FHAD1: variants seen among roughly 807,000 people sequenced by gnomAD.
FHAD1 encodes forkhead associated phosphopeptide binding domain 1.
In FHAD1, 146 loss-of-function variants were observed where a neutral mutation model predicts 191.3. That is an observed-to-expected ratio of 0.76 (90% CI 0.67 to 0.88). The LOEUF (loss-of-function observed/expected upper bound fraction) is 0.88. FHAD1 is among the 40% of genes least tolerant of loss of function. FHAD1 has a pLI of 0.00. For synonymous variants in FHAD1, 616 were observed against 672.3 expected (o/e 0.92, Z 1.29); for missense variants, 1,635 against 1,785.8 (o/e 0.92, Z 1.52).
At chr1:15,348,998 C>G (rs187848182) in intron 18 of FHAD1, 44 bp from the exon 19 acceptor site, 2 of 1,225,138 alleles carry the variant, frequency 1.6e-6, no homozygotes, top group African/African-American at 3.0e-5. Flanking sequence ...CAATTTCCCC[C>G]CTAAATGTGC....
intron 10 of FHAD1, among the ~76,000 whole-genome samples, chr1:15,322,702 C>T (rs1321327419): frequency 1.3e-5 from 2 of 151,552 alleles, no homozygotes; most frequent in East Asian, 3.8e-4. Flanking sequence ...GCAGAAAGTT[C>T]TACCAGACAG....
At chr1:15,305,217 A>G (rs570281171) in intron 6 of FHAD1, among the ~76,000 whole-genome samples, 33 of 152,350 alleles carry the variant, frequency 2.2e-4, no homozygotes, top group Non-Finnish European at 3.8e-4. Flanking sequence ...GTACTCTTAC[A>G]TGTACTAACT....
chr1:15,309,004 G>T (rs10489961), intron 7 of FHAD1, among the ~76,000 whole-genome samples: 12,485 of 152,266 alleles, frequency 0.082, 669 homozygotes, highest in East Asian at 0.15. Context: ...TAGCTAAAAG[G>T]CCTGCTGAGC....
At chr1:15,373,703 A>G (rs1275991623) in intron 26 of FHAD1, among the ~76,000 whole-genome samples, 5 of 152,108 alleles carry the variant, frequency 3.3e-5, no homozygotes, top group Non-Finnish European at 5.9e-5. Flanking sequence ...AAAATAGAGA[A>G]AAATTAGTCG....
At chr1:15,339,063 C>T (rs115210960) in intron 14 of FHAD1, among the ~76,000 whole-genome samples, 1,697 of 152,240 alleles carry the variant, frequency 0.011, 31 homozygotes, top group African/African-American at 0.037. Context: ...GTCACCTGAG[C>T]GGGAATGCAG....
Position 15,329,309 on chromosome 1 carries a change from C to T in FHAD1, c.1711-37C>T. 1 of 1,491,392 alleles carries T rather than the reference C, an allele frequency of 6.7e-7. No individual in the cohort carries two copies. Among genetic ancestry groups the T allele is most frequent in the Non-Finnish European group, 9.0e-7 (1 of 1,107,538 alleles). 92.4% of individuals were successfully genotyped at this position (1,491,392 alleles called of 1,614,324 possible). A position where few individuals can be genotyped will look rare whatever the true frequency, so the allele number is the denominator to read the frequency against. Reference sequence around the variant, plus strand: ...TCACGTCAGGGGCTATTTCTGGCCACAGGGCCTGGGCTCCTCATGATCTCA... The same window carrying T: ...TCACGTCAGGGGCTATTTCTGGCCATAGGGCCTGGGCTCCTCATGATCTCA... On this transcript the variant is annotated intron_variant, in intron 13 of 33. Transcript: ENST00000688493. This position sits in a 1 kb window ranked among gnomAD's most constrained non-coding sequence, Gnocchi z 5.0.
intron 31 of FHAD1, among the ~76,000 whole-genome samples, chr1:15,384,924 C>T (rs891140628): frequency 1.2e-4 from 18 of 152,264 alleles, no homozygotes; most frequent in African/African-American, 4.1e-4. Context: ...CCGGGCTACT[C>T]AGCTACAGAA....
chr1:15,314,637 G>GTGAGTGT (rs1364057351), intron 8 of FHAD1: 3 of 22,080 alleles, frequency 1.4e-4, no homozygotes, highest in Non-Finnish European at 2.6e-4. Flanking sequence ...GGATGTATGT[G>GTGAGTGT]GGTGTGTGGG....
intron 2 of FHAD1, 56 bp from the exon 3 acceptor site, chr1:15,272,267 A>G: frequency 6.8e-7 from 1 of 1,476,988 alleles, no homozygotes; most frequent in Non-Finnish European, 9.2e-7. Flanking sequence ...TCAAAACATT[A>G]GGGGCCGTGT....
rs957896175 is a variant in FHAD1 at position 15,317,821 on chromosome 1, C to T, written c.1261-3C>T. 8.4e-6 allele frequency: 13 copies of T among 1,550,670 alleles called. No homozygotes were observed. The African/African-American group carries it at 1.5e-4, about 18-fold the overall frequency. On this transcript the variant is annotated splice_region_variant and splice_polypyrimidine_tract_variant and intron_variant, in intron 9 of 33. Coordinates refer to ENST00000688493, the MANE Select transcript of FHAD1 (RefSeq NM_001391957.1). The stretch of plus-strand genomic sequence containing the variant: ...AGGTTCACTCTTGTTGAAACTTTTT[C>T]AGCAAATCCAAGACATGGAGAAAGA...
At chr1:15,238,540 A>G (rs1645028830) in intron 1 of FHAD1, among the ~76,000 whole-genome samples, 1 of 152,230 alleles carries the variant, frequency 6.6e-6, no homozygotes, top group South Asian at 2.1e-4. Context: ...TAGATGTGCC[A>G]AAAGAGCCAC....
intron 23 of FHAD1, 82 bp downstream of exon 23, chr1:15,362,808 C>G: frequency 1.9e-6 from 2 of 1,071,650 alleles, no homozygotes; most frequent in Non-Finnish European, 2.8e-6. Flanking sequence ...CAGCCCCTAC[C>G]TGGGCCACAT....
intron 32 of FHAD1, among the ~76,000 whole-genome samples, chr1:15,389,319 A>G (rs1246536813): frequency 6.6e-6 from 1 of 151,678 alleles, no homozygotes; most frequent in Non-Finnish European, 1.5e-5. Context: ...GGTGGCGTGC[A>G]CCTGTAGTCC....
At chr1:15,324,851 C>T in intron 11 of FHAD1, 1 of 454,050 alleles carries the variant, frequency 2.2e-6, no homozygotes, top group Non-Finnish European at 4.0e-6. Flanking sequence ...GAGCTCCTTG[C>T]CCCCAGTGGT....
chr1:15,296,554 T>C, intron 4 of FHAD1, 130 bp from the exon 5 acceptor site: 1 of 960,820 alleles, frequency 1.0e-6, no homozygotes, highest in Non-Finnish European at 1.6e-6. Flanking sequence ...CGCCCGGCCT[T>C]TAATTTTTAA....
At position 15,312,914 on chromosome 1, in the gene FHAD1, G is replaced by T; in HGVS notation, c.1040-143G>T. On this transcript the variant is annotated intron_variant, in intron 7 of 33. Transcript: ENST00000688493. This position sits in a 1 kb window ranked among gnomAD's most constrained non-coding sequence, Gnocchi z 4.7. The stretch of plus-strand genomic sequence containing the variant: ...GAACAAATGATGTGCAGTGGATATT[G>T]GTCTCAACCCCATTCAAGCTCCTGG... The T allele has an allele frequency of 1.1e-6, 1 of 914,044 alleles. No individual in the cohort carries two copies. Among genetic ancestry groups the T allele is most frequent in the Non-Finnish European group, 1.7e-6 (1 of 604,012 alleles). 56.6% of individuals were successfully genotyped at this position (914,044 alleles called of 1,614,324 possible).
chr1:15,288,974 A>C (rs1663509088), intron 3 of FHAD1, among the ~76,000 whole-genome samples: 1 of 151,740 alleles, frequency 6.6e-6, no homozygotes, highest in African/African-American at 2.4e-5. Flanking sequence ...GGGGGAAGTG[A>C]CTCATTGTTT....
chr1:15,393,070 T>TC lies in FHAD1; in HGVS notation c.4323+1809dup, dbSNP rs1704637752. On this transcript the variant is annotated intron_variant, in intron 33 of 33. Coordinates refer to ENST00000688493, the MANE Select transcript of FHAD1 (RefSeq NM_001391957.1). ...CACCCCCGAGGGGGCAAAAATTCATTCCTTTTTTTTTTTTTTTTTTTTGAG... is the reference window on the plus strand; with the variant it reads ...CACCCCCGAGGGGGCAAAAATTCATTCCCTTTTTTTTTTTTTTTTTTTTGAG... 2.9e-5 allele frequency: 4 copies of TC among 139,500 alleles called. No individual in the cohort carries two copies. The South Asian group carries it at 8.9e-4, about 31-fold the overall frequency. The allele number at this position is 139,500 out of a possible 1,614,324, so 8.6% of individuals were successfully genotyped here.
At position 15,391,140 on chromosome 1, in the gene FHAD1, A is replaced by AT. The variant is rs1233692902; in HGVS notation, c.4270-65dup. On this transcript the variant is annotated intron_variant, in intron 32 of 33. Coordinates refer to ENST00000688493, the MANE Select transcript of FHAD1 (RefSeq NM_001391957.1). The stretch of plus-strand genomic sequence containing the variant: ...AGCATCTAAAAGTGGAGAAAAATCC[A>AT]TTTTTCTTTGATGCAAAAGGCAAAG... 5 of 912,692 alleles carry AT rather than the reference A, an allele frequency of 5.5e-6. No individual in the cohort carries two copies. In the African/African-American group the frequency reaches 8.9e-5, roughly 16 times the overall value. The allele number at this position is 912,692 out of a possible 1,614,324, so 56.5% of individuals were successfully genotyped here.
Sources: gnomAD v4.1 joint callset for allele counts (sites outside exome capture counted in the v4.1 genomes callset) on GRCh38, gnomAD v4.1.1 for gene constraint, Gnocchi (gnomAD v3.1) non-coding constraint, MANE v1.5 for transcripts, NCBI Gene and HGNC (gene_info 2026-07-23, HGNC 2026-07-21) for gene names.